Variants in SUPT3H observed in about 807,000 individuals in gnomAD.
The protein encoded by SUPT3H is SPT3 homolog, SAGA and STAGA complex component.
Under a neutral mutation model 44.3 loss-of-function variants are expected in SUPT3H, and 44 were observed. That is an observed-to-expected ratio of 0.99 (90% confidence interval 0.78 to 1.28). SUPT3H has a LOEUF of 1.28. Among genes scored for constraint, SUPT3H ranks in the 50% most tolerant of loss-of-function variants. The pLI is 0.00. For missense variants in SUPT3H, 380 were observed against 387.1 expected (o/e 0.98, Z 0.15); for synonymous variants, 124 against 125.6 (o/e 0.99, Z 0.09).
At chr6:45,329,770 T>C (rs929009783) in intron 2 of SUPT3H, among the ~76,000 whole-genome samples, 2 of 151,972 alleles carry the variant, frequency 1.3e-5, no homozygotes, top group African/African-American at 4.8e-5. Flanking sequence ...GATACAGATA[T>C]GTAAATGACT....
intron 2 of SUPT3H, among the ~76,000 whole-genome samples, chr6:45,247,258 C>T (rs1771531741): frequency 6.6e-6 from 1 of 152,174 alleles, no homozygotes; most frequent in African/African-American, 2.4e-5. Flanking sequence ...AAGAGTTGAG[C>T]AGCCCTTCTG....
chr6:45,293,857 C>CA (rs34314735), intron 2 of SUPT3H, among the ~76,000 whole-genome samples: 11,211 of 150,514 alleles, frequency 0.074, 826 homozygotes, highest in African/African-American at 0.18. Context: ...AAATTACTAT[C>CA]AAAAAAAAAG....
At chr6:45,157,454 C>A (rs561011253) in intron 2 of SUPT3H, among the ~76,000 whole-genome samples, 84 of 151,928 alleles carry the variant, frequency 5.5e-4, no homozygotes, top group African/African-American at 1.9e-3. Flanking sequence ...AGAACTCCAA[C>A]CCCAAGAGAT....
intron 4 of SUPT3H, among the ~76,000 whole-genome samples, chr6:45,017,062 T>A (rs532791618): frequency 9.2e-5 from 14 of 151,958 alleles, no homozygotes; most frequent in Admixed American, 7.9e-4. Context: ...GGTATCTCAT[T>A]GTGGTTTTGA....
chr6:44,856,604 T>C (rs1472833063), intron 10 of SUPT3H, among the ~76,000 whole-genome samples: 1 of 152,196 alleles, frequency 6.6e-6, no homozygotes, highest in African/African-American at 2.4e-5. Flanking sequence ...TCTTATCCTA[T>C]ATCATTTCAG....
intron 3 of SUPT3H, among the ~76,000 whole-genome samples, chr6:45,070,288 G>A (rs1209592843): frequency 6.6e-6 from 1 of 152,140 alleles, no homozygotes; most frequent in Admixed American, 6.5e-5. Context: ...TGAAATTTAT[G>A]AGAATTATAT....
intron 2 of SUPT3H, among the ~76,000 whole-genome samples, chr6:45,344,734 A>C (rs1199907378): frequency 6.6e-6 from 1 of 152,142 alleles, no homozygotes; most frequent in Non-Finnish European, 1.5e-5. Context: ...AAAAATCCTA[A>C]ATATGAAAGG....
At chr6:45,090,088 T>A (rs1232030944) in intron 3 of SUPT3H, among the ~76,000 whole-genome samples, 1 of 152,110 alleles carries the variant, frequency 6.6e-6, no homozygotes, top group African/African-American at 2.4e-5. Flanking sequence ...GTTCTTGGCA[T>A]AAAATGCAAA....
At chr6:44,895,087 T>G (rs1374965000) in intron 10 of SUPT3H, among the ~76,000 whole-genome samples, 1 of 152,060 alleles carries the variant, frequency 6.6e-6, no homozygotes, top group East Asian at 1.9e-4. Context: ...AACATTTATT[T>G]TTTTCCTCAG....
intron 2 of SUPT3H, among the ~76,000 whole-genome samples, chr6:45,249,688 T>C (rs1206449411): frequency 1.3e-5 from 2 of 152,102 alleles, no homozygotes; most frequent in Non-Finnish European, 2.9e-5. Flanking sequence ...TCCAAATCCC[T>C]TTTCCAACCT....
At chr6:44,987,247 T>C (rs1779940275) in intron 6 of SUPT3H, among the ~76,000 whole-genome samples, 1 of 132,580 alleles carries the variant, frequency 7.5e-6, no homozygotes, top group South Asian at 2.5e-4. Context: ...CCAAATACCA[T>C]CACACTGGGC....
chr6:45,288,793 T>C (rs1053743475), intron 2 of SUPT3H, among the ~76,000 whole-genome samples: 1 of 151,922 alleles, frequency 6.6e-6, no homozygotes, highest in Non-Finnish European at 1.5e-5. Flanking sequence ...CAACTTTTTC[T>C]GACAGTTTTC....
At chr6:44,870,821 C>A (rs1408150545) in intron 10 of SUPT3H, among the ~76,000 whole-genome samples, 1 of 151,580 alleles carries the variant, frequency 6.6e-6, no homozygotes, top group African/African-American at 2.4e-5. Context: ...CAGGGCGAGG[C>A]ATTCCCTCAC....
Position 45,342,770 on chromosome 6 carries a change from C to A in SUPT3H, c.101+22431G>T, listed in dbSNP as rs532715497. On this transcript the variant is annotated intron_variant, in intron 2 of 10. Transcript: ENST00000371459. ...GTTTTAAAAGCTTATTTTTCCTGAA[C>A]CCATACAAAAAAATACATATGAAGA... is the stretch of plus-strand genomic sequence containing the variant. Among the ~76,000 whole-genome samples the A allele has an allele frequency of 9.9e-5, 15 of 151,988 alleles. 1 individual carries two copies. The East Asian group carries it at 1.7e-3, about 18-fold the overall frequency.
chr6:45,299,202 A>G (rs72860113), intron 2 of SUPT3H, among the ~76,000 whole-genome samples: 2,586 of 151,612 alleles, frequency 0.017, 39 homozygotes, highest in South Asian at 0.042. Flanking sequence ...AAAAAAAAAA[A>G]ATTAGCCGGA....
At chr6:45,044,653 A>G (rs1789094245) in intron 3 of SUPT3H, among the ~76,000 whole-genome samples, 1 of 152,184 alleles carries the variant, frequency 6.6e-6, no homozygotes, top group Non-Finnish European at 1.5e-5. Flanking sequence ...ATAGCTTGAG[A>G]GATGGAATAT....
At chr6:45,152,368 C>T (rs1428895104) in intron 2 of SUPT3H, among the ~76,000 whole-genome samples, 1 of 152,144 alleles carries the variant, frequency 6.6e-6, no homozygotes, top group African/African-American at 2.4e-5. Context: ...TCTCCAACTG[C>T]TAATGCCTTA....
chr6:45,202,935 A>T (rs1029338711), intron 2 of SUPT3H, among the ~76,000 whole-genome samples: 1 of 152,046 alleles, frequency 6.6e-6, no homozygotes, highest in Admixed American at 6.6e-5. Context: ...TATATAAATC[A>T]CTAGAGATCA....
At chr6:44,954,971 T>C (rs1035557324) in intron 7 of SUPT3H, among the ~76,000 whole-genome samples, 1 of 152,234 alleles carries the variant, frequency 6.6e-6, no homozygotes, top group Non-Finnish European at 1.5e-5. Flanking sequence ...TCTTGTCTGA[T>C]GTAACCTTAA....
Sources: gnomAD v4.1 joint callset for allele counts (sites outside exome capture counted in the v4.1 genomes callset) on GRCh38, gnomAD v4.1.1 for gene constraint, MANE v1.5 for transcripts, NCBI Gene and HGNC (gene_info 2026-07-23, HGNC 2026-07-21) for gene names.